Variants in MYCBP2 observed in about 807,000 individuals in gnomAD.
MYCBP2 encodes MYC binding protein 2.
A neutral mutation model predicts 525.3 loss-of-function variants in MYCBP2; 120 were observed. That is an observed-to-expected ratio of 0.23 (90% CI 0.20 to 0.27). The LOEUF (loss-of-function observed/expected upper bound fraction) is 0.27, where lower values mean the gene tolerates loss of function less well. Among genes scored for constraint, MYCBP2 ranks in the 10% least tolerant of loss-of-function variants. MYCBP2 has a pLI of 1.00. For synonymous variants in MYCBP2, 1,894 were observed against 1,955.8 expected (o/e 0.97, Z 0.83); for missense variants, 4,149 against 5,657.1 (o/e 0.73, Z 8.55).
At chr13:77,083,512 T>C (rs909439264) in intron 62 of MYCBP2, among the ~76,000 whole-genome samples, 3 of 151,856 alleles carry the variant, frequency 2.0e-5, no homozygotes, top group Admixed American at 2.0e-4. Flanking sequence ...TATATATGTA[T>C]GTGTATGGAT....
chr13:77,105,475 G>A (rs1452480784), intron 55 of MYCBP2, among the ~76,000 whole-genome samples: 1 of 149,996 alleles, frequency 6.7e-6, no homozygotes, highest in Non-Finnish European at 1.5e-5. Flanking sequence ...AACAACACAT[G>A]TTCTACACAT....
intron 80 of MYCBP2, 26 bp from the exon 81 acceptor site, chr13:77,051,944 C>T (rs745549147): frequency 1.9e-6 from 3 of 1,589,774 alleles, no homozygotes; most frequent in South Asian, 1.1e-5. Context: ...ATCTAGATTA[C>T]AGCAGGAAAA....
At chr13:77,259,971 G>C (rs1212155208) in intron 13 of MYCBP2, among the ~76,000 whole-genome samples, 1 of 152,184 alleles carries the variant, frequency 6.6e-6, no homozygotes, top group Admixed American at 6.5e-5. Context: ...AATAATTCTT[G>C]AGACCCTACA....
At chr13:77,219,401 T>C (rs2065242905) in intron 20 of MYCBP2, among the ~76,000 whole-genome samples, 1 of 146,914 alleles carries the variant, frequency 6.8e-6, no homozygotes, top group South Asian at 2.1e-4. Flanking sequence ...ATCCCAGCAC[T>C]AAAGGGAAAA....
intron 7 of MYCBP2, 66 bp downstream of exon 7, chr13:77,269,926 A>T: frequency 8.3e-7 from 1 of 1,209,998 alleles, no homozygotes; most frequent in Non-Finnish European, 1.2e-6. Flanking sequence ...ATTACTGATT[A>T]AACAAGGACA....
rs181118755 is a variant in MYCBP2 at position 77,227,316 on chromosome 13, C to G, written c.2738-1762G>C. 3.3e-3 allele frequency among the ~76,000 whole-genome samples: 490 copies of G among 146,880 alleles called. 2 individuals are homozygous for G. Among genetic ancestry groups the G allele is most frequent in the African/African-American group, 0.012 (464 of 39,680 alleles). ...TGCTAAATTATCTAATGTGGGTTTG[C>G]CAAATTAAATCAAAGAATGGATGGA... is the stretch of plus-strand genomic sequence containing the variant. On this transcript the variant is annotated intron_variant, in intron 18 of 82. Coordinates refer to ENST00000544440, the MANE Select transcript of MYCBP2 (RefSeq NM_015057.5).
intron 1 of MYCBP2, among the ~76,000 whole-genome samples, chr13:77,318,430 G>A (rs1038268208): frequency 6.6e-6 from 1 of 152,146 alleles, no homozygotes; most frequent in Non-Finnish European, 1.5e-5. Flanking sequence ...ACATAAATTG[G>A]AAGAAAAATA....
Position 77,176,564 on chromosome 13 carries a change from G to A in MYCBP2, c.5405C>T (p.Thr1802Met), listed in dbSNP as rs1314948169. The change falls in exon 36 of 83, where the codon ACG becomes ATG. Residue 1802 changes from threonine (T) to methionine (M), a missense_variant. By Grantham distance (81) the Thr-to-Met change is moderately conservative. This residue lies in a region of MYCBP2 where 109 missense variants were observed against 118.9 expected (regional missense o/e 0.92). Transcript: ENST00000544440. ...ACTGGGTGAGTCATCCGTTGTGTAC[G>A]TTCCTTTCACTAATTCCAGAGATGT... ...RWTSLELVKG[T>M]YTTDDSPSDI... 35 of 1,598,728 alleles carry A rather than the reference G, an allele frequency of 2.2e-5. No individual in the cohort carries two copies. Among genetic ancestry groups the A allele is most frequent in the Non-Finnish European group, 2.7e-5 (32 of 1,170,408 alleles).
chr13:77,185,077 A>G, intron 32 of MYCBP2, 26 bp downstream of exon 32: 1 of 1,600,884 alleles, frequency 6.2e-7, no homozygotes, highest in Non-Finnish European at 8.5e-7. Flanking sequence ...CAGATTTTCA[A>G]CTAACATTTT....
chr13:77,098,119 CCAT>C lies in MYCBP2; in HGVS notation c.9032_9034del (p.Asp3011del). 6.2e-7 allele frequency: 1 copy of C among 1,613,564 alleles called. No homozygotes were observed. The highest frequency in any genetic ancestry group is 8.5e-7 in the Non-Finnish European group (1 of 1,179,762). Reference sequence around the variant, plus strand: ...CTTGGCTGGCTCTAAAGGCTTGGATCCATCTCCTTTGAAAAGAAAACTCGATTT... The same window carrying C: ...CTTGGCTGGCTCTAAAGGCTTGGATCCTCCTTTGAAAAGAAAACTCGATTT... On this transcript the variant is annotated inframe_deletion, in exon 56 of 83. Coordinates refer to ENST00000544440, the MANE Select transcript of MYCBP2 (RefSeq NM_015057.5).
At chr13:77,073,254 A>T (rs2041701087) in intron 68 of MYCBP2, among the ~76,000 whole-genome samples, 1 of 152,144 alleles carries the variant, frequency 6.6e-6, no homozygotes, top group Admixed American at 6.5e-5. Flanking sequence ...GAATAAAAGA[A>T]ATGAAGAAAG....
rs145332823 is a variant in MYCBP2, at chr13:77,185,936, C to T, written c.4379G>A (p.Arg1460His). The T allele has an allele frequency of 4.5e-5, 72 of 1,613,472 alleles. No individual in the cohort carries two copies. Among genetic ancestry groups the T allele is most frequent in the African/African-American group, 4.4e-4 (33 of 74,986 alleles). The stretch of plus-strand genomic sequence containing the variant: ...CCTCAGACAACAGGTACCCACAAAG[C>T]GCAGTCTCTCTAAATCTAGGAGTGT... Reference protein sequence around the residue: ...TATLLDLERLRFVGTCCLRLL... With the variant: ...TATLLDLERLHFVGTCCLRLL... Residue 1460 changes from arginine (R) to histidine (H), a missense_variant, in exon 31 of 83, where the codon CGC becomes CAC. Physicochemically the swap from Arg to His is conservative, Grantham distance 29 (BLOSUM62 0). Around this residue, in one of 21 missense-constraint regions of MYCBP2, gnomAD observed 292 missense variants for 330.5 expected, o/e 0.88. Coordinates refer to ENST00000544440, the MANE Select transcript of MYCBP2 (RefSeq NM_015057.5).
chr13:77,250,795 G>C (rs2071074055), intron 15 of MYCBP2, among the ~76,000 whole-genome samples: 2 of 152,052 alleles, frequency 1.3e-5, no homozygotes, highest in Admixed American at 6.5e-5. Context: ...ATTTAGAAAA[G>C]ATTCATGTTC....
At chr13:77,164,322 A>G (rs939771831) in intron 43 of MYCBP2, 132 bp downstream of exon 43, 1 of 636,506 alleles carries the variant, frequency 1.6e-6, no homozygotes, top group South Asian at 1.9e-5. Context: ...TTACCAGTAC[A>G]TGAAGCAGTT....
At chr13:77,250,949 T>G (rs1328594621) in intron 15 of MYCBP2, among the ~76,000 whole-genome samples, 1 of 152,204 alleles carries the variant, frequency 6.6e-6, no homozygotes, top group African/African-American at 2.4e-5. Context: ...AAGGCAACCT[T>G]AGAGATGACA....
chr13:77,211,433 A>T, intron 22 of MYCBP2, 113 bp from the exon 23 acceptor site: 2 of 489,886 alleles, frequency 4.1e-6, no homozygotes, highest in Non-Finnish European at 6.0e-6. Flanking sequence ...AGAGAATAAA[A>T]GAGGCTAAGT....
At chr13:77,085,373 T>C (rs912428533) in intron 62 of MYCBP2, among the ~76,000 whole-genome samples, 14 of 152,168 alleles carry the variant, frequency 9.2e-5, no homozygotes, top group Non-Finnish European at 1.5e-4. Context: ...TCAATTTCCA[T>C]AGACATTTGT....
intron 35 of MYCBP2, 21 bp from the exon 36 acceptor site, chr13:77,176,649 A>C: frequency 1.3e-6 from 2 of 1,484,242 alleles, no homozygotes; most frequent in East Asian, 2.3e-5. Context: ...AAAATGAAAC[A>C]CAAAAATTCC....
intron 69 of MYCBP2, among the ~76,000 whole-genome samples, chr13:77,069,162 T>C (rs1471642530): frequency 2.0e-5 from 3 of 152,234 alleles, no homozygotes; most frequent in Admixed American, 6.5e-5. Flanking sequence ...TTCTCATGGT[T>C]TACCATTATG....
Sources: allele counts gnomAD v4.1 joint callset (sites outside exome capture counted in the v4.1 genomes callset), GRCh38; gene constraint gnomAD v4.1.1; regional missense constraint gnomAD v4.1.1; transcripts MANE v1.5; gene names NCBI Gene and HGNC (gene_info 2026-07-23, HGNC 2026-07-21).